The following MED13L variants were observed in gnomAD, a reference collection of about 807,000 sequenced individuals.
MED13L encodes mediator complex subunit 13L, also known as mediator of RNA polymerase II transcription subunit 13-like.
Under a neutral mutation model 220.9 loss-of-function variants are expected in MED13L, and 7 were observed. The ratio of observed to expected loss-of-function variants is 0.03; its 90% confidence interval spans 0.02 to 0.06. The LOEUF (loss-of-function observed/expected upper bound fraction) is 0.06. Ranked by LOEUF, MED13L falls within the 10% of genes least tolerant of loss-of-function variation. The pLI is 1.00. For missense variants in MED13L, 1,965 were observed against 2,760.5 expected (o/e 0.71, Z 6.46); for synonymous variants, 1,011 against 1,015.2 (o/e 1.00, Z 0.08).
At chr12:116,254,324 C>T (rs1053040863) in intron 1 of MED13L, among the ~76,000 whole-genome samples, 2 of 151,962 alleles carry the variant, frequency 1.3e-5, no homozygotes, top group South Asian at 2.1e-4. Context: ...TCATCACGTA[C>T]GTTTTTTAAA....
At chr12:116,133,940 A>G (rs1293548813) in intron 2 of MED13L, among the ~76,000 whole-genome samples, 1 of 152,126 alleles carries the variant, frequency 6.6e-6, no homozygotes. Context: ...ATGTGAATAA[A>G]AACACCTCCC....
chr12:116,167,854 G>A (rs1378250071), intron 2 of MED13L, among the ~76,000 whole-genome samples: 2 of 152,048 alleles, frequency 1.3e-5, no homozygotes, highest in African/African-American at 4.8e-5. Context: ...GCCTAGAATT[G>A]ATGGACTATA....
intron 1 of MED13L, among the ~76,000 whole-genome samples, chr12:116,271,580 C>T (rs953581296): frequency 2.0e-5 from 3 of 150,338 alleles, no homozygotes; most frequent in Non-Finnish European, 4.4e-5. Context: ...GAGCCGCGAT[C>T]GCGCCACTGC....
chr12:116,197,123 C>G (rs77051121), intron 2 of MED13L, among the ~76,000 whole-genome samples: 3,083 of 152,260 alleles, frequency 0.02, 60 homozygotes, highest in Middle Eastern at 0.054. Flanking sequence ...TTAGTCTAAG[C>G]CTCCACCCAC....
chr12:116,210,551 C>CGATATA (rs1472355516), intron 2 of MED13L, among the ~76,000 whole-genome samples: 5 of 113,666 alleles, frequency 4.4e-5, no homozygotes, highest in Non-Finnish European at 8.8e-5. Flanking sequence ...AGAACGTAAC[C>CGATATA]TATATATATA....
chr12:116,076,759 C>A (rs1206545184), intron 4 of MED13L, among the ~76,000 whole-genome samples: 1 of 152,004 alleles, frequency 6.6e-6, no homozygotes, highest in Non-Finnish European at 1.5e-5. Flanking sequence ...GTATCAAGAC[C>A]ATGTTTATCT....
At chr12:116,246,431 G>A (rs942274752) in intron 1 of MED13L, among the ~76,000 whole-genome samples, 1 of 151,908 alleles carries the variant, frequency 6.6e-6, no homozygotes, top group Non-Finnish European at 1.5e-5. Context: ...CTTCAGGAAG[G>A]TGAAACTAAT....
Position 115,991,838 on chromosome 12 carries a change from G to C in MED13L, c.3116C>G (p.Pro1039Arg), listed in dbSNP as rs1378191288. ...AGAGAAGCGAGGGGTTGCTGGAGAT[G>C]GTAGGACTCCTGCCCCACTATTGCT... is the stretch of plus-strand genomic sequence containing the variant. Reference protein sequence around the residue: ...PASNSGAGVLPSPATPRFSVP... With the variant: ...PASNSGAGVLRSPATPRFSVP... The change falls in exon 17 of 31, where the codon CCA becomes CGA. Residue 1039 changes from proline to arginine, a missense_variant. Pro to Arg is a moderately radical substitution (Grantham distance 103). Transcript: ENST00000281928. The surrounding 1 kb of genome is among the most constrained non-coding windows in gnomAD (Gnocchi z 7.7). The C allele has an allele frequency of 6.2e-7, 1 of 1,611,370 alleles. No individual in the cohort carries two copies. The highest frequency in any genetic ancestry group is 8.5e-7 in the Non-Finnish European group (1 of 1,179,984).
At chr12:116,254,865 T>C (rs1871899648) in intron 1 of MED13L, among the ~76,000 whole-genome samples, 1 of 152,126 alleles carries the variant, frequency 6.6e-6, no homozygotes. Flanking sequence ...ATCTATATAC[T>C]AAGAACTACG....
intron 3 of MED13L, among the ~76,000 whole-genome samples, chr12:116,102,328 A>C (rs1261720372): frequency 1.3e-5 from 2 of 152,216 alleles, no homozygotes; most frequent in Admixed American, 6.5e-5. Context: ...GCCATTTCCC[A>C]GATGAGACAG....
chr12:116,175,427 G>A (rs116943307), intron 2 of MED13L, among the ~76,000 whole-genome samples: 5,044 of 152,190 alleles, frequency 0.033, 108 homozygotes, highest in Non-Finnish European at 0.043. Flanking sequence ...GAATATTGTA[G>A]GTAGAGGTAA....
Position 116,202,742 on chromosome 12 carries a change from T to G in MED13L, c.310+34726A>C, listed in dbSNP as rs950430384. 2.0e-5 allele frequency among the ~76,000 whole-genome samples: 3 copies of G among 152,206 alleles called. No individual in the cohort carries two copies. The East Asian group carries it at 5.8e-4, about 29-fold the overall frequency. On this transcript the variant is annotated intron_variant, in intron 2 of 30. Coordinates refer to ENST00000281928, the MANE Select transcript of MED13L (RefSeq NM_015335.5). ...CCACCAACCCTTAACCTTCTTCCCC[T>G]GACAGCCTCTGGGGTTCTTCACGGT...
chr12:116,133,784 C>G (rs1876280608), intron 2 of MED13L, among the ~76,000 whole-genome samples: 1 of 152,138 alleles, frequency 6.6e-6, no homozygotes, highest in Non-Finnish European at 1.5e-5. Flanking sequence ...CTGATAGTCT[C>G]CACATCTGCA....
chr12:116,080,198 T>C (rs1353973080), intron 4 of MED13L, among the ~76,000 whole-genome samples: 2 of 152,068 alleles, frequency 1.3e-5, no homozygotes, highest in African/African-American at 2.4e-5. Context: ...ACAAGAACAA[T>C]TGGGCACAAG....
chr12:116,191,391 C>A (rs1279158306), intron 2 of MED13L, among the ~76,000 whole-genome samples: 3 of 152,008 alleles, frequency 2.0e-5, no homozygotes, highest in Non-Finnish European at 4.4e-5. Flanking sequence ...AGTGAAGCAG[C>A]CCAATCTTGG....
chr12:115,994,866 A>G (rs1878297636), intron 16 of MED13L, among the ~76,000 whole-genome samples: 1 of 152,168 alleles, frequency 6.6e-6, no homozygotes, highest in Non-Finnish European at 1.5e-5. Flanking sequence ...CTGCTGGTGC[A>G]TTGTTATTTC....
intron 3 of MED13L, among the ~76,000 whole-genome samples, chr12:116,099,152 C>T (rs1370353730): frequency 6.6e-6 from 1 of 152,148 alleles, no homozygotes; most frequent in Non-Finnish European, 1.5e-5. Flanking sequence ...AGAATGTCAT[C>T]CAGATAATAA....
intron 27 of MED13L, among the ~76,000 whole-genome samples, chr12:115,969,959 T>G (rs147783555): frequency 3.9e-4 from 59 of 152,274 alleles, no homozygotes; most frequent in African/African-American, 1.4e-3. Flanking sequence ...TTTTCTATGA[T>G]TCTTTTATTT....
chr12:116,046,168 T>C (rs1235355439), intron 4 of MED13L, among the ~76,000 whole-genome samples: 1 of 152,172 alleles, frequency 6.6e-6, no homozygotes, highest in Non-Finnish European at 1.5e-5. Flanking sequence ...CAAAAAAGAA[T>C]GTTCTGATAT....
Sources: gnomAD v4.1 joint callset for allele counts (sites outside exome capture counted in the v4.1 genomes callset) on GRCh38, gnomAD v4.1.1 for gene constraint, Gnocchi (gnomAD v3.1) non-coding constraint, MANE v1.5 for transcripts, NCBI Gene and HGNC (gene_info 2026-07-23, HGNC 2026-07-21) for gene names.